The following ERICH1 variants were observed in gnomAD, a reference collection of about 807,000 sequenced individuals.
The protein encoded by ERICH1 is glutamate rich 1.
A neutral mutation model predicts 39.6 loss-of-function variants in ERICH1; 56 were observed. The ratio of observed to expected loss-of-function variants is 1.41; its 90% CI spans 1.14 to 1.77. ERICH1 has a LOEUF of 1.77. ERICH1 is among the 40% of genes most tolerant of loss of function. ERICH1 has a pLI of 0.00. For missense variants in ERICH1, 826 were observed against 575.4 expected, an observed-to-expected ratio of 1.44 and a Z score of -4.45; for synonymous variants, 313 against 223.6, an observed-to-expected ratio of 1.40 and a Z score of -3.57.
chr8:686,946 G>GC (rs986849429), intron 3 of ERICH1, among the ~76,000 whole-genome samples: 2 of 24,710 alleles, frequency 8.1e-5, no homozygotes, highest in East Asian at 0.029. Flanking sequence ...AATGCGGAGC[G>GC]GGGGGCAGCC....
chr8:729,300 C>G (rs1483317021), intron 1 of ERICH1, among the ~76,000 whole-genome samples: 2 of 152,202 alleles, frequency 1.3e-5, no homozygotes, highest in African/African-American at 2.4e-5. Flanking sequence ...CAACAGCGCC[C>G]AACCCCCACC....
intron 3 of ERICH1, among the ~76,000 whole-genome samples, chr8:621,833 G>C (rs962402297): frequency 6.6e-6 from 1 of 152,162 alleles, no homozygotes; most frequent in African/African-American, 2.4e-5. Context: ...AGCCAACAAA[G>C]TTAAATACAA....
intron 3 of ERICH1, among the ~76,000 whole-genome samples, chr8:638,390 T>G (rs1256670904): frequency 2.0e-5 from 3 of 152,098 alleles, no homozygotes; most frequent in African/African-American, 7.2e-5. Context: ...GAGGCCTGCT[T>G]GAGATACAGC....
intron 1 of ERICH1, among the ~76,000 whole-genome samples, chr8:725,035 G>T (rs1818258549): frequency 6.6e-6 from 1 of 152,156 alleles, no homozygotes; most frequent in African/African-American, 2.4e-5. Flanking sequence ...AGTGATGCCT[G>T]CTCACCTGCT....
chr8:661,906 G>A (rs980614942), downstream of ERICH1, among the ~76,000 whole-genome samples: 6 of 152,206 alleles, frequency 3.9e-5, no homozygotes, highest in Non-Finnish European at 8.8e-5. Context: ...CCCAGGAAAC[G>A]GCCACACGTG....
chr8:692,615 G>A lies in ERICH1; in HGVS notation c.170-3C>T. 6.3e-7 allele frequency: 1 copy of A among 1,576,318 alleles called. No homozygotes were observed. Among genetic ancestry groups the A allele is most frequent in the South Asian group, 1.1e-5 (1 of 87,146 alleles). Reference sequence around the variant, plus strand: ...AGTCGGGGTCTCAGAGCCAGTGTCTGCAACACAGGAGGAAAATAACAGGAA... The same window carrying A: ...AGTCGGGGTCTCAGAGCCAGTGTCTACAACACAGGAGGAAAATAACAGGAA... On this transcript the variant is annotated splice_region_variant and splice_polypyrimidine_tract_variant and intron_variant, in intron 2 of 5. Transcript: ENST00000262109.
At chr8:616,458 A>T in intron 3 of ERICH1, 1 of 452,010 alleles carries the variant, frequency 2.2e-6, no homozygotes, top group South Asian at 1.6e-5. Context: ...AAGCGGATTC[A>T]GCGCTGGCCA....
chr8:625,308 T>C (rs1330218222), intron 3 of ERICH1, among the ~76,000 whole-genome samples: 2 of 152,208 alleles, frequency 1.3e-5, no homozygotes, highest in African/African-American at 2.4e-5. Flanking sequence ...AGGAAAGCAG[T>C]GGTTTATGCT....
Position 731,087 on chromosome 8 carries a change from A to AGCCGAGAGCCGGGTCTGGGGTCTGG in ERICH1, c.22+28_22+52dup. 4.3e-6 allele frequency: 6 copies of AGCCGAGAGCCGGGTCTGGGGTCTGG among 1,409,960 alleles called. No individual in the cohort carries two copies. In the Middle Eastern group the frequency reaches 1.1e-3, roughly 262 times the overall value. 87.3% of individuals were successfully genotyped at this position (1,409,960 alleles called of 1,614,324 possible). A position where few individuals can be genotyped will look rare whatever the true frequency, so the allele number is the denominator to read the frequency against. ...GGTCCCGAGTCAACACCGCGGTCTG[A>AGCCGAGAGCCGGGTCTGGGGTCTGG]GCCGAGAGCCGGGTCTGGGGTCTGG... On this transcript the variant is annotated intron_variant, in intron 1 of 5. Coordinates refer to ENST00000262109, the MANE Select transcript of ERICH1 (RefSeq NM_207332.3).
intron 2 of ERICH1, among the ~76,000 whole-genome samples, chr8:710,359 TCG>T (rs1814436596): frequency 6.9e-6 from 1 of 144,434 alleles, no homozygotes; most frequent in African/African-American, 2.6e-5. Context: ...GTCCTCGGCA[TCG>T]TACGGGGCGG....
chr8:653,838 A>G (rs1007866186), intron 3 of ERICH1, among the ~76,000 whole-genome samples: 1 of 151,386 alleles, frequency 6.6e-6, no homozygotes, highest in Non-Finnish European at 1.5e-5. Flanking sequence ...AGAGACAGAA[A>G]GTAGGATGGT....
chr8:713,508 G>C (rs1466210713), intron 2 of ERICH1, among the ~76,000 whole-genome samples: 1 of 152,166 alleles, frequency 6.6e-6, no homozygotes, highest in Non-Finnish European at 1.5e-5. Flanking sequence ...CCCGTATCTA[G>C]GAGACGTGAA....
chr8:616,823 G>GA (rs1554476090), intron 3 of ERICH1, among the ~76,000 whole-genome samples: 9 of 76,354 alleles, frequency 1.2e-4, no homozygotes, highest in East Asian at 1.0e-3. Context: ...AGAGACGGGG[G>GA]GAGAGAGAGA....
chr8:629,822 C>A (rs1454104117), intron 3 of ERICH1, among the ~76,000 whole-genome samples: 5 of 134,632 alleles, frequency 3.7e-5, no homozygotes, highest in Non-Finnish European at 6.2e-5. Context: ...AGCACCCACA[C>A]AGACAAAGCT....
In ERICH1 at chr8:719,247, G is replaced by A. The variant is rs745629426; in HGVS notation, c.23-3240C>T. Among the ~76,000 whole-genome samples, 7 of 152,262 alleles carry A rather than the reference G, an allele frequency of 4.6e-5. No individual in the cohort carries two copies. In the South Asian group the frequency reaches 8.3e-4, roughly 18 times the overall value. On this transcript the variant is annotated intron_variant, in intron 1 of 5. Transcript: ENST00000262109. The stretch of plus-strand genomic sequence containing the variant: ...GCTGTTTGAGCCGTCATCCAACAGC[G>A]GGCTCCCACATCGACCAGGCTCCGA...
chr8:658,668 G>C (rs1283325835), intron 3 of ERICH1, among the ~76,000 whole-genome samples: 4 of 152,176 alleles, frequency 2.6e-5, no homozygotes, highest in African/African-American at 9.7e-5. Context: ...GGGCGGTCCT[G>C]ACCCAATCGG....
Position 720,035 on chromosome 8 carries a change from C to A in ERICH1, c.23-4028G>T, listed in dbSNP as rs931870446. ...CCAGCCCCTTCTCCAAGAAGACCAA[C>A]ATTTAGAAAGCAGAACGCGGCCCTA... On this transcript the variant is annotated intron_variant, in intron 1 of 5. Transcript: ENST00000262109. 2.0e-5 allele frequency among the ~76,000 whole-genome samples: 3 copies of A among 152,244 alleles called. No individual in the cohort carries two copies. The South Asian group carries it at 6.2e-4, about 32-fold the overall frequency.
chr8:658,150 G>A (rs1299959542), intron 3 of ERICH1, among the ~76,000 whole-genome samples: 1 of 152,192 alleles, frequency 6.6e-6, no homozygotes, highest in Non-Finnish European at 1.5e-5. Flanking sequence ...TGGCTTCCAG[G>A]GCTTCGGCTG....
intron 3 of ERICH1, among the ~76,000 whole-genome samples, chr8:690,614 G>C (rs529007058): frequency 3.6e-4 from 55 of 152,346 alleles, no homozygotes; most frequent in African/African-American, 1.3e-3. Flanking sequence ...TAAGCACCAG[G>C]TATGCCACCC....
Sources: allele counts gnomAD v4.1 joint callset (sites outside exome capture counted in the v4.1 genomes callset), GRCh38; gene constraint gnomAD v4.1.1; transcripts MANE v1.5; gene names NCBI Gene and HGNC (gene_info 2026-07-23, HGNC 2026-07-21).